LRMDA: variants seen among roughly 807,000 people sequenced by gnomAD.
The protein encoded by LRMDA is leucine rich melanocyte differentiation associated, also known as leucine-rich melanocyte differentiation-associated protein.
A neutral mutation model predicts 29.8 loss-of-function variants in LRMDA; 18 were observed. That is an observed-to-expected ratio of 0.60 (90% CI 0.42 to 0.90). LRMDA has a LOEUF of 0.90. LRMDA is among the 40% of genes least tolerant of loss of function. The probability of loss-of-function intolerance (pLI) is 0.00; values close to 1 mark genes in which losing one functional copy is unlikely to be tolerated. For missense variants in LRMDA, 273 were observed against 273.9 expected, an observed-to-expected ratio of 1.00 and a Z score of 0.02; for synonymous variants, 125 against 109.4, an observed-to-expected ratio of 1.14 and a Z score of -0.89.
chr10:76,454,928 G>T (rs1007762829), intron 6 of LRMDA, among the ~76,000 whole-genome samples: 4 of 152,182 alleles, frequency 2.6e-5, no homozygotes, highest in African/African-American at 9.7e-5. Flanking sequence ...GGGCCAAGTT[G>T]TATTTCTGCT....
intron 5 of LRMDA, among the ~76,000 whole-genome samples, chr10:76,204,260 G>T (rs1310679519): frequency 7.5e-6 from 1 of 133,274 alleles, no homozygotes; most frequent in Non-Finnish European, 1.5e-5. Flanking sequence ...TATTCCATGT[G>T]CCCATCCACC....
chr10:75,655,532 T>C (rs563312800), intron 2 of LRMDA, among the ~76,000 whole-genome samples: 1 of 152,330 alleles, frequency 6.6e-6, no homozygotes, highest in East Asian at 1.9e-4. Flanking sequence ...TGTGGTGTCC[T>C]GAGAGCTTTC....
intron 2 of LRMDA, among the ~76,000 whole-genome samples, chr10:75,591,657 C>T (rs925502239): frequency 4.6e-5 from 7 of 152,190 alleles, no homozygotes; most frequent in African/African-American, 4.8e-5. Context: ...TCCCCGTAAT[C>T]GGGAATCCTC....
chr10:75,602,583 T>C (rs1443834994), intron 2 of LRMDA, among the ~76,000 whole-genome samples: 1 of 152,132 alleles, frequency 6.6e-6, no homozygotes, highest in African/African-American at 2.4e-5. Context: ...TTTGGAAAAC[T>C]CTATTTATCT....
intron 5 of LRMDA, among the ~76,000 whole-genome samples, chr10:76,249,431 G>A (rs1229319067): frequency 6.6e-6 from 1 of 152,078 alleles, no homozygotes; most frequent in Non-Finnish European, 1.5e-5. Context: ...CCCTGTTGTC[G>A]TCAGCTCTCA....
intron 2 of LRMDA, among the ~76,000 whole-genome samples, chr10:75,931,837 A>G (rs1331069055): frequency 2.0e-5 from 3 of 152,124 alleles, no homozygotes; most frequent in Non-Finnish European, 1.5e-5. Flanking sequence ...AGGGTGTGCA[A>G]TGTTACTGAT....
At chr10:76,019,906 G>T (rs1044248851) in intron 2 of LRMDA, among the ~76,000 whole-genome samples, 9 of 152,192 alleles carry the variant, frequency 5.9e-5, no homozygotes, top group African/African-American at 2.2e-4. Flanking sequence ...CTGGGCCTGG[G>T]CTTCTGAATT....
At position 76,463,917 on chromosome 10, in the gene LRMDA, ATTTT is replaced by A. The variant is rs763472626; in HGVS notation, c.602-93278_602-93275del. On this transcript the variant is annotated intron_variant, in intron 6 of 6. Transcript: ENST00000611255. ...CTGGCACACAGTAGGTGCAAAATAA[ATTTT>A]TTTTTTTTTTTTTGTGAGATGGAGT... is the stretch of plus-strand genomic sequence containing the variant. Among the ~76,000 whole-genome samples the A allele has an allele frequency of 1.4e-4, 16 of 112,884 alleles. 1 individual carries two copies. Among genetic ancestry groups the A allele is most frequent in the Admixed American group, 6.2e-4 (6 of 9,656 alleles). 74.1% of individuals were successfully genotyped at this position (112,884 alleles called of 152,430 possible). A position where few individuals can be genotyped will look rare whatever the true frequency, so the allele number is the denominator to read the frequency against.
At chr10:75,838,798 GT>G (rs1171284717) in intron 2 of LRMDA, among the ~76,000 whole-genome samples, 2 of 152,144 alleles carry the variant, frequency 1.3e-5, no homozygotes, top group African/African-American at 4.8e-5. Flanking sequence ...CAACTTATTG[GT>G]TTAAAGTCCT....
At chr10:76,458,146 T>C (rs1589195767) in intron 6 of LRMDA, among the ~76,000 whole-genome samples, 1 of 128,024 alleles carries the variant, frequency 7.8e-6, no homozygotes. Context: ...AAAACTTGGC[T>C]GTTTAATTAA....
intron 2 of LRMDA, among the ~76,000 whole-genome samples, chr10:75,919,382 C>T (rs1016126842): frequency 2.0e-5 from 3 of 152,282 alleles, no homozygotes; most frequent in African/African-American, 4.8e-5. Context: ...TGTGTTTCAG[C>T]AGTGTAGATG....
At chr10:76,518,379 C>T (rs1843085431) in intron 6 of LRMDA, among the ~76,000 whole-genome samples, 1 of 151,654 alleles carries the variant, frequency 6.6e-6, no homozygotes, top group South Asian at 2.1e-4. Context: ...ATATAGAATT[C>T]AAGACAAAAA....
intron 5 of LRMDA, among the ~76,000 whole-genome samples, chr10:76,215,191 T>A (rs16933067): frequency 0.02 from 3,017 of 152,316 alleles, 103 homozygotes; most frequent in African/African-American, 0.069. Context: ...TTTTACACAT[T>A]GACTTGAGCA....
intron 5 of LRMDA, among the ~76,000 whole-genome samples, chr10:76,159,240 T>C (rs1164031973): frequency 6.6e-6 from 1 of 152,190 alleles, no homozygotes; most frequent in Non-Finnish European, 1.5e-5. Context: ...GTATGGACCA[T>C]GTTTGGACCC....
At chr10:76,290,642 G>A (rs9794052) in intron 5 of LRMDA, among the ~76,000 whole-genome samples, 68,117 of 151,640 alleles carry the variant, frequency 0.45, 15,299 homozygotes, top group Middle Eastern at 0.55. Flanking sequence ...GGCTGGTCTC[G>A]AACTCTTAAC....
At chr10:76,362,827 A>G (rs116268456) in intron 6 of LRMDA, among the ~76,000 whole-genome samples, 232 of 152,102 alleles carry the variant, frequency 1.5e-3, no homozygotes, top group African/African-American at 5.3e-3. Context: ...GCCTATATTG[A>G]TCCTTCTATA....
rs916352861 is a variant in LRMDA at position 75,886,703 on chromosome 10, A to G, written c.132-149305A>G. Among the ~76,000 whole-genome samples the G allele has an allele frequency of 2.6e-5, 4 of 152,196 alleles. No homozygotes were observed. In the East Asian group the frequency reaches 7.7e-4, roughly 29 times the overall value. ...CCTTTGGCCTCATTAGTATTATCCT[A>G]TAATCAAATAAGCTAATTAAGCTGT... is the stretch of plus-strand genomic sequence containing the variant. On this transcript the variant is annotated intron_variant, in intron 2 of 6. Coordinates refer to ENST00000611255, the MANE Select transcript of LRMDA (RefSeq NM_001305581.2).
At chr10:76,206,057 C>T (rs1313433760) in intron 5 of LRMDA, among the ~76,000 whole-genome samples, 1 of 152,138 alleles carries the variant, frequency 6.6e-6, no homozygotes, top group African/African-American at 2.4e-5. Context: ...GGCACACATC[C>T]TCTCCTTCCT....
At chr10:75,567,134 TCTG>T (rs1840382312) in intron 2 of LRMDA, among the ~76,000 whole-genome samples, 1 of 152,132 alleles carries the variant, frequency 6.6e-6, no homozygotes, top group Admixed American at 6.5e-5. Context: ...TCTCTTGTCC[TCTG>T]CTATTAGTTA....
Sources: allele counts gnomAD v4.1 joint callset (sites outside exome capture counted in the v4.1 genomes callset), GRCh38; gene constraint gnomAD v4.1.1; transcripts MANE v1.5; gene names NCBI Gene and HGNC (gene_info 2026-07-23, HGNC 2026-07-21).